PCDHGA11: variants seen among roughly 807,000 people sequenced by gnomAD.
PCDHGA11 encodes protocadherin gamma-A11.
PCDHGA11 carries 39 observed loss-of-function variants against 60.4 expected under a neutral mutation model. That is an observed-to-expected ratio of 0.65 (90% CI 0.50 to 0.84). The LOEUF (loss-of-function observed/expected upper bound fraction) is 0.84, where lower values mean the gene tolerates loss of function less well. PCDHGA11 is among the 40% of genes least tolerant of loss of function. The pLI is 0.00. For missense variants in PCDHGA11, 1,165 were observed against 1,197.7 expected (o/e 0.97, Z 0.40); for synonymous variants, 533 against 510.3 (o/e 1.04, Z -0.60).
Position 141,421,720 on chromosome 5 carries a change from G to T in PCDHGA11, c.493G>T (p.Val165Leu). The T allele has an allele frequency of 6.2e-7, 1 of 1,613,906 alleles. No homozygotes were observed. The change falls in exon 1 of 4, where the codon GTG becomes TTG. Residue 165 changes from valine (V) to leucine (L), a missense_variant. Val to Leu is a conservative substitution (Grantham distance 32). Coordinates refer to ENST00000398587, the MANE Select transcript of PCDHGA11 (RefSeq NM_018914.3). The stretch of plus-strand genomic sequence containing the variant: ...TAATGCTAGGGATCCAGATGTGGGC[G>T]TGAACTCCCTCCAGAGCTACCAGCT... Reference protein sequence around the residue: ...LPNARDPDVGVNSLQSYQLSP... With the variant: ...LPNARDPDVGLNSLQSYQLSP...
At chr5:141,504,017 T>G (rs1186684262) in intron 2 of PCDHGA11, among the ~76,000 whole-genome samples, 1 of 152,150 alleles carries the variant, frequency 6.6e-6, no homozygotes, top group Non-Finnish European at 1.5e-5. Context: ...TCTCTGCTGG[T>G]CTCTTCCCAC....
intron 1 of PCDHGA11, among the ~76,000 whole-genome samples, chr5:141,444,006 G>T (rs1279816416): frequency 2.0e-5 from 3 of 152,012 alleles, no homozygotes; most frequent in Non-Finnish European, 4.4e-5. Flanking sequence ...TGCTACCTGG[G>T]TATTGGCTTC....
At position 141,490,006 on chromosome 5, in the gene PCDHGA11, C is replaced by T; in HGVS notation, c.2434-4801C>T. The stretch of plus-strand genomic sequence containing the variant: ...ACGTGTGGGAATCCCAGAGAATGCA[C>T]CCATTGGTACTCTGCTGCTCCGCCT... On this transcript the variant is annotated intron_variant, in intron 1 of 3. Coordinates refer to ENST00000398587, the MANE Select transcript of PCDHGA11 (RefSeq NM_018914.3). This position sits in a 1 kb window ranked among gnomAD's most constrained non-coding sequence, Gnocchi z 5.4. 2 of 1,614,222 alleles carry T rather than the reference C, an allele frequency of 1.2e-6. No homozygotes were observed. The highest frequency in any genetic ancestry group is 1.7e-6 in the Non-Finnish European group (2 of 1,180,010).
chr5:141,504,949 G>A (rs1234166109), intron 2 of PCDHGA11, among the ~76,000 whole-genome samples: 5 of 152,098 alleles, frequency 3.3e-5, no homozygotes, highest in Non-Finnish European at 1.5e-5. Context: ...AATGCACTAT[G>A]TTCAATGCAT....
Position 141,486,319 on chromosome 5 carries a change from C to T in PCDHGA11, c.2434-8488C>T, listed in dbSNP as rs148184642. The T allele has an allele frequency of 1.7e-4, 268 of 1,614,058 alleles. No individual in the cohort carries two copies. The African/African-American group carries it at 1.7e-3, about 10-fold the overall frequency. Reference sequence around the variant, plus strand: ...TGCAGGATCCAGACTCAGGGTCAAACGGAGATGTGAGCCTCCGCATTCCTG... The same window carrying T: ...TGCAGGATCCAGACTCAGGGTCAAATGGAGATGTGAGCCTCCGCATTCCTG... On this transcript the variant is annotated intron_variant, in intron 1 of 3. Transcript: ENST00000398587. The surrounding 1 kb of genome is among the most constrained non-coding windows in gnomAD (Gnocchi z 5.0).
At chr5:141,443,330 C>A (rs1005631067) in intron 1 of PCDHGA11, among the ~76,000 whole-genome samples, 44 of 139,282 alleles carry the variant, frequency 3.2e-4, no homozygotes, top group African/African-American at 4.5e-4. Flanking sequence ...AAAAAAAAAA[C>A]AAAAATTAAC....
Position 141,489,065 on chromosome 5 carries a change from C to T in PCDHGA11, c.2434-5742C>T, listed in dbSNP as rs558074504. On this transcript the variant is annotated intron_variant, in intron 1 of 3. Coordinates refer to ENST00000398587, the MANE Select transcript of PCDHGA11 (RefSeq NM_018914.3). This position sits in a 1 kb window ranked among gnomAD's most constrained non-coding sequence, Gnocchi z 4.5. ...CCACTCAAATTCAGCTCCCCTCCCC[C>T]CTGCCCACCCCCGCCACTCGGTGAC... 3.3e-5 allele frequency: 13 copies of T among 388,932 alleles called. 1 individual carries two copies. Among genetic ancestry groups the T allele is most frequent in the African/African-American group, 8.5e-5 (4 of 47,158 alleles). 24.1% of individuals were successfully genotyped at this position (388,932 alleles called of 1,614,324 possible).
intron 1 of PCDHGA11, among the ~76,000 whole-genome samples, chr5:141,467,441 T>C (rs919148544): frequency 6.6e-6 from 1 of 152,340 alleles, no homozygotes; most frequent in African/African-American, 2.4e-5. Context: ...CATTCATTAC[T>C]TTTTTCTTCC....
chr5:141,490,565 T>C lies in PCDHGA11; in HGVS notation c.2434-4242T>C. ...CTACACAAACATCTCACCATCAGGC[T>C]CAACATTTCAGATGTCAATGACAAT... On this transcript the variant is annotated intron_variant, in intron 1 of 3. Coordinates refer to ENST00000398587, the MANE Select transcript of PCDHGA11 (RefSeq NM_018914.3). This position sits in a 1 kb window ranked among gnomAD's most constrained non-coding sequence, Gnocchi z 5.4. 8 of 1,614,116 alleles carry C rather than the reference T, an allele frequency of 5.0e-6. No individual in the cohort carries two copies. Among genetic ancestry groups the C allele is most frequent in the Non-Finnish European group, 6.8e-6 (8 of 1,180,024 alleles).
chr5:141,509,081 A>C (rs1279221589), intron 3 of PCDHGA11, among the ~76,000 whole-genome samples: 2 of 152,160 alleles, frequency 1.3e-5, no homozygotes, highest in Non-Finnish European at 2.9e-5. Flanking sequence ...GATTTGCGAC[A>C]TGAAATGGGG....
rs775284049 is a variant in PCDHGA11 at position 141,431,448 on chromosome 5, T to C, written c.2433+7788T>C. On this transcript the variant is annotated intron_variant, in intron 1 of 3. Coordinates refer to ENST00000398587, the MANE Select transcript of PCDHGA11 (RefSeq NM_018914.3). The surrounding 1 kb of genome is among the most constrained non-coding windows in gnomAD (Gnocchi z 4.8). ...CGCACAGGCACCGCGCGCATCCGCG[T>C]GATGGTTCTGGATGCGAACGACAAC... 2.5e-6 allele frequency: 4 copies of C among 1,613,706 alleles called. No individual in the cohort carries two copies. The South Asian group carries it at 4.4e-5, about 18-fold the overall frequency.
chr5:141,423,811 T>G, intron 1 of PCDHGA11, 151 bp downstream of exon 1: 1 of 1,254,642 alleles, frequency 8.0e-7, no homozygotes, highest in Non-Finnish European at 1.0e-6. Flanking sequence ...ACATGTGAGT[T>G]TTACTTTGCC....
In PCDHGA11 at chr5:141,421,770, G is replaced by A; in HGVS notation, c.543G>A (p.Leu181=). Residue 181 remains leucine, a synonymous_variant, in exon 1 of 4, where the codon TTG becomes TTA. Transcript: ENST00000398587. ...YQLSPNNYFS[L]QLRGRTDGAK... is the part of the protein sequence containing the mutation. ...TCAGCCCTAATAATTACTTTTCCTT[G>A]CAACTGCGGGGCAGAACGGATGGGG... 6.2e-7 allele frequency: 1 copy of A among 1,613,856 alleles called. No individual in the cohort carries two copies. The highest frequency in any genetic ancestry group is 8.5e-7 in the Non-Finnish European group (1 of 1,179,862).
In PCDHGA11 at chr5:141,494,860, C is replaced by T. The variant is rs372794752; in HGVS notation, c.2487C>T (p.Thr829=). Residue 829 remains threonine, a synonymous_variant, in exon 2 of 4, where the codon ACC becomes ACT. Coordinates refer to ENST00000398587, the MANE Select transcript of PCDHGA11 (RefSeq NM_018914.3). ...TCTCTCAGGCCCAGAGACCCGGCAC[C>T]AGCGGGTAGGTGACTGATTCTCCAG... ...WRFSQAQRPG[T]SGSQNGDDTG... 5.6e-6 allele frequency: 9 copies of T among 1,614,032 alleles called. No homozygotes were observed. Among genetic ancestry groups the T allele is most frequent in the Non-Finnish European group, 7.6e-6 (9 of 1,180,024 alleles).
intron 1 of PCDHGA11, among the ~76,000 whole-genome samples, chr5:141,481,692 G>A (rs1231630072): frequency 3.3e-5 from 5 of 152,020 alleles, no homozygotes; most frequent in East Asian, 1.9e-4. Context: ...GGTGGCTCAC[G>A]CCTGTAATCC....
In PCDHGA11 at chr5:141,491,409, G is replaced by T; in HGVS notation, c.2434-3398G>T. The T allele has an allele frequency of 6.8e-6, 11 of 1,614,118 alleles. No individual in the cohort carries two copies. Among genetic ancestry groups the T allele is most frequent in the Non-Finnish European group, 9.3e-6 (11 of 1,180,014 alleles). On this transcript the variant is annotated intron_variant, in intron 1 of 3. Coordinates refer to ENST00000398587, the MANE Select transcript of PCDHGA11 (RefSeq NM_018914.3). The surrounding 1 kb of genome is among the most constrained non-coding windows in gnomAD (Gnocchi z 6.9). ...AGTGCCTTCAGGGAAACGCAGACGG[G>T]GACGGGGGTGGAGGGCAGTGCTGCA...
At chr5:141,427,984 C>G (rs754620535) in intron 1 of PCDHGA11, 2 of 1,597,494 alleles carry the variant, frequency 1.3e-6, no homozygotes, top group South Asian at 2.2e-5. Flanking sequence ...GCGCTGGGGC[C>G]CGATGGCTCC....
intron 1 of PCDHGA11, chr5:141,427,791 G>T (rs763294539): frequency 1.3e-6 from 2 of 1,488,082 alleles, no homozygotes; most frequent in South Asian, 1.1e-5. Context: ...GTCGTCCTAC[G>T]TGTCCGTGAG....
In PCDHGA11 at chr5:141,491,632, C is replaced by T; in HGVS notation, c.2434-3175C>T. On this transcript the variant is annotated intron_variant, in intron 1 of 3. Transcript: ENST00000398587. This position sits in a 1 kb window ranked among gnomAD's most constrained non-coding sequence, Gnocchi z 6.9. ...TCTAAGACCCCTCAGCGTTCAGCAG[C>T]CCACAGCTCTGGCGCTGGAGCCTGA... 1.2e-6 allele frequency: 2 copies of T among 1,613,886 alleles called. No individual in the cohort carries two copies. The highest frequency in any genetic ancestry group is 1.7e-6 in the Non-Finnish European group (2 of 1,179,994).
Sources: gnomAD v4.1 joint callset for allele counts (sites outside exome capture counted in the v4.1 genomes callset) on GRCh38, gnomAD v4.1.1 for gene constraint, Gnocchi (gnomAD v3.1) non-coding constraint, MANE v1.5 for transcripts, NCBI Gene and HGNC (gene_info 2026-07-23, HGNC 2026-07-21) for gene names.